Variants in CSTPP1 observed in about 807,000 individuals in gnomAD.
CSTPP1 encodes the protein centriolar satellite-associated tubulin polyglutamylase complex regulator 1, also known as UPF0705 protein C11orf49.
chr11:47,146,546 A>C, the CSTPP1 span, among the ~76,000 whole-genome samples: 1 of 152,196 alleles, frequency 6.6e-6, no homozygotes, highest in African/African-American at 2.4e-5. Context: ...CTAAATTGAG[A>C]TACCACTTCA....
the CSTPP1 span, among the ~76,000 whole-genome samples, chr11:47,092,883 C>T: frequency 7.1e-4 from 108 of 152,268 alleles, no homozygotes; most frequent in African/African-American, 2.1e-3. Flanking sequence ...CCTGACCCTC[C>T]CACACTAGAA....
the CSTPP1 span, among the ~76,000 whole-genome samples, chr11:46,990,855 A>T: frequency 6.6e-6 from 1 of 152,200 alleles, no homozygotes; most frequent in Non-Finnish European, 1.5e-5. Context: ...ATGGCTAGCC[A>T]GTTATCCCAG....
At chr11:47,067,530 G>A in the CSTPP1 span, among the ~76,000 whole-genome samples, 1 of 152,130 alleles carries the variant, frequency 6.6e-6, no homozygotes. Flanking sequence ...CATCAGATAG[G>A]AAGGATTAGT....
chr11:47,130,394 G>C, the CSTPP1 span, among the ~76,000 whole-genome samples: 1 of 152,096 alleles, frequency 6.6e-6, no homozygotes, highest in Non-Finnish European at 1.5e-5. Context: ...GGTGTCATTC[G>C]AGGCCATTGC....
the CSTPP1 span, among the ~76,000 whole-genome samples, chr11:46,971,391 T>C: frequency 6.6e-6 from 1 of 152,184 alleles, no homozygotes; most frequent in Non-Finnish European, 1.5e-5. Flanking sequence ...TTGGATGTAA[T>C]ATAATCTGGT....
the CSTPP1 span, among the ~76,000 whole-genome samples, chr11:47,070,632 C>T: frequency 6.6e-6 from 1 of 152,086 alleles, no homozygotes; most frequent in African/African-American, 2.4e-5. Context: ...TGCCTAGGTC[C>T]CTCCCCAGAC....
chr11:46,996,453 G>A, the CSTPP1 span, among the ~76,000 whole-genome samples: 612 of 151,926 alleles, frequency 4.0e-3, 4 homozygotes, highest in African/African-American at 0.014. Context: ...ACAGGCACGC[G>A]CCACCATGCC....
the CSTPP1 span, chr11:47,162,142 C>A: frequency 2.0e-6 from 2 of 985,836 alleles, no homozygotes; most frequent in Non-Finnish European, 2.4e-6. Flanking sequence ...GAAGGGTGGG[C>A]CAGAAGATGA....
At chr11:47,073,870 T>C in the CSTPP1 span, among the ~76,000 whole-genome samples, 1 of 152,224 alleles carries the variant, frequency 6.6e-6, no homozygotes, top group Non-Finnish European at 1.5e-5. Flanking sequence ...GTAAAAACTA[T>C]GACTACTATG....
the CSTPP1 span, among the ~76,000 whole-genome samples, chr11:46,973,136 T>C: frequency 6.6e-6 from 1 of 152,196 alleles, no homozygotes; most frequent in Non-Finnish European, 1.5e-5. Context: ...GTTGAAGTTA[T>C]GAAAGTCATT....
chr11:47,034,562 C>T, the CSTPP1 span, among the ~76,000 whole-genome samples: 76 of 150,874 alleles, frequency 5.0e-4, no homozygotes, highest in African/African-American at 1.8e-3. Context: ...AGTCCAGTGG[C>T]ATGATTATAA....
At chr11:46,970,789 A>T in the CSTPP1 span, among the ~76,000 whole-genome samples, 1 of 152,186 alleles carries the variant, frequency 6.6e-6, no homozygotes, top group African/African-American at 2.4e-5. Context: ...CAGTCCTGTC[A>T]AGCAGTCAAA....
chr11:47,156,346 G>A, the CSTPP1 span, among the ~76,000 whole-genome samples: 1 of 152,226 alleles, frequency 6.6e-6, no homozygotes, highest in African/African-American at 2.4e-5. Flanking sequence ...ACCACATTGG[G>A]CTGGGAGCAT....
At chr11:47,003,634 C>G in the CSTPP1 span, among the ~76,000 whole-genome samples, 1 of 152,200 alleles carries the variant, frequency 6.6e-6, no homozygotes, top group Non-Finnish European at 1.5e-5. Flanking sequence ...CCTTCTTCAA[C>G]TATCAGATGC....
At chr11:47,072,959 A>G in the CSTPP1 span, among the ~76,000 whole-genome samples, 284 of 152,312 alleles carry the variant, frequency 1.9e-3, 1 homozygote, top group African/African-American at 6.7e-3. Flanking sequence ...CTATTTATAT[A>G]AAATTATGTA....
At chr11:47,045,358 T>C in the CSTPP1 span, among the ~76,000 whole-genome samples, 5 of 152,012 alleles carry the variant, frequency 3.3e-5, no homozygotes. Context: ...AGTTGTCCTT[T>C]GGTAAGTTTT....
the CSTPP1 span, among the ~76,000 whole-genome samples, chr11:47,007,633 A>G: frequency 6.9e-6 from 1 of 145,562 alleles, no homozygotes. Context: ...TTTTTTTTTT[A>G]CTCCATTATC....
chr11:47,157,168 G>A, the CSTPP1 span: 62 of 1,610,952 alleles, frequency 3.8e-5, no homozygotes, highest in Non-Finnish European at 4.3e-5. Context: ...GCGTGGAGGC[G>A]TCGCTGTTCT....
the CSTPP1 span, among the ~76,000 whole-genome samples, chr11:47,141,822 A>G: frequency 6.7e-6 from 1 of 149,620 alleles, no homozygotes; most frequent in East Asian, 2.0e-4. Flanking sequence ...AATCCCAGCT[A>G]CTCAGGAGGC....
Sources: allele counts gnomAD v4.1 joint callset (sites outside exome capture counted in the v4.1 genomes callset), GRCh38; gene constraint gnomAD v4.1.1; transcripts MANE v1.5; gene names NCBI Gene and HGNC (gene_info 2026-07-23, HGNC 2026-07-21).